Variants in B3GALT5 observed in about 807,000 individuals in gnomAD.
B3GALT5 encodes the protein UDP-Gal:betaGlcNAc beta 1,3-galactosyltransferase, polypeptide 5.
For missense variants in B3GALT5, 328 were observed against 396.6 expected (o/e 0.83, Z 1.47); for synonymous variants, 156 against 158.6 (o/e 0.98, Z 0.12).
intron 2 of B3GALT5, among the ~76,000 whole-genome samples, chr21:39,652,010 G>A (rs1569217786): frequency 6.6e-6 from 1 of 152,182 alleles, no homozygotes; most frequent in South Asian, 2.1e-4. Context: ...TTTGTTGTGG[G>A]GGGTGCTTGT....
chr21:39,660,010 G>T, intron 3 of B3GALT5, 98 bp downstream of exon 3: 1 of 677,778 alleles, frequency 1.5e-6, no homozygotes, highest in Non-Finnish European at 1.8e-6. Context: ...GAAAGAATCA[G>T]ATCAGAGACT....
At chr21:39,639,308 T>TTC (rs760708305) in intron 1 of B3GALT5, among the ~76,000 whole-genome samples, 4 of 89,692 alleles carry the variant, frequency 4.5e-5, no homozygotes, top group African/African-American at 1.8e-4. Flanking sequence ...CTTTCTTTCT[T>TTC]TCTTTCTTTC....
At chr21:39,655,567 C>G (rs1044848139) in intron 2 of B3GALT5, among the ~76,000 whole-genome samples, 4 of 152,148 alleles carry the variant, frequency 2.6e-5, no homozygotes, top group Non-Finnish European at 4.4e-5. Flanking sequence ...GGGAGATTCT[C>G]TCTGCTTGAG....
intron 2 of B3GALT5, among the ~76,000 whole-genome samples, chr21:39,649,710 C>T: frequency 6.6e-6 from 1 of 152,036 alleles, no homozygotes; most frequent in Non-Finnish European, 1.5e-5. Flanking sequence ...ACCAGGGTGA[C>T]CAGACATCAA....
intron 1 of B3GALT5, among the ~76,000 whole-genome samples, chr21:39,633,434 T>C (rs2079205284): frequency 6.6e-6 from 1 of 152,164 alleles, no homozygotes; most frequent in Non-Finnish European, 1.5e-5. Context: ...CTTTGACAAG[T>C]CCTGAACCAC....
In B3GALT5 at chr21:39,663,495, T is replaced by C. The variant is rs957267849; in HGVS notation, c.*2003T>C. 4.6e-5 allele frequency: 7 copies of C among 151,820 alleles called. No homozygotes were observed. The highest frequency in any genetic ancestry group is 4.6e-4 in the Admixed American group (7 of 15,224). The allele number at this position is 151,820 out of a possible 1,614,324, so 9.4% of individuals were successfully genotyped here. A position where few individuals can be genotyped will look rare whatever the true frequency, so the allele number is the denominator to read the frequency against. ...TCCCTCTTCTTTTCTTTTCTTTTTT[T>C]CTGACAGGGTCTCACCCTGTCACCC... is the stretch of plus-strand genomic sequence containing the variant. On this transcript the variant is annotated 3_prime_UTR_variant, in exon 4 of 4. Transcript: ENST00000684187.
intron 2 of B3GALT5, among the ~76,000 whole-genome samples, chr21:39,655,137 G>A (rs1430119015): frequency 6.6e-6 from 1 of 152,220 alleles, no homozygotes; most frequent in Non-Finnish European, 1.5e-5. Flanking sequence ...CCCAGTCTGT[G>A]TTTGAAGGCC....
chr21:39,638,956 A>G (rs1438635710), intron 1 of B3GALT5, among the ~76,000 whole-genome samples: 1 of 152,194 alleles, frequency 6.6e-6, no homozygotes, highest in Non-Finnish European at 1.5e-5. Flanking sequence ...CGATAGGTGG[A>G]TTGCATGCTG....
intron 1 of B3GALT5, among the ~76,000 whole-genome samples, chr21:39,614,730 G>A (rs985299148): frequency 7.9e-5 from 12 of 152,162 alleles, no homozygotes; most frequent in Non-Finnish European, 1.5e-4. Context: ...TCCAAGAAGA[G>A]TTTCAGGGTC....
intron 1 of B3GALT5, among the ~76,000 whole-genome samples, chr21:39,618,564 A>G (rs1265976474): frequency 6.6e-6 from 1 of 152,164 alleles, no homozygotes; most frequent in East Asian, 1.9e-4. Flanking sequence ...CTGTTTGTAT[A>G]TTATGTATCT....
At chr21:39,634,308 A>T (rs113732128) in intron 1 of B3GALT5, among the ~76,000 whole-genome samples, 1,895 of 152,144 alleles carry the variant, frequency 0.012, 44 homozygotes, top group African/African-American at 0.043. Flanking sequence ...ATAGGGTGGG[A>T]GGGAAATGGC....
In B3GALT5 at chr21:39,654,610, G is replaced by A. The variant is rs547346989; in HGVS notation, c.-160-5143G>A. ...TGTGGGTAAAATGCTATCAAATGGC[G>A]TCGCATGCTACAGAGAAATCTATCA... On this transcript the variant is annotated intron_variant, in intron 2 of 3. Coordinates refer to ENST00000684187, the MANE Select transcript of B3GALT5 (RefSeq NM_001356336.2). Among the ~76,000 whole-genome samples the A allele has an allele frequency of 2.6e-4, 39 of 152,258 alleles. 1 individual carries two copies. In the South Asian group the frequency reaches 5.6e-3, roughly 22 times the overall value.
intron 3 of B3GALT5, 110 bp downstream of exon 3, chr21:39,660,022 TA>T: frequency 3.2e-6 from 2 of 623,582 alleles, no homozygotes; most frequent in Non-Finnish European, 4.0e-6. Context: ...TCAGAGACTG[TA>T]AAAAGTAACT....
intron 1 of B3GALT5, among the ~76,000 whole-genome samples, chr21:39,621,098 C>G (rs891943743): frequency 6.6e-6 from 1 of 152,026 alleles, no homozygotes. Flanking sequence ...GACCCTTTCT[C>G]TGAGAAAAAA....
At chr21:39,622,315 A>G (rs1010276058) in intron 1 of B3GALT5, among the ~76,000 whole-genome samples, 1 of 152,012 alleles carries the variant, frequency 6.6e-6, no homozygotes, top group South Asian at 2.1e-4. Context: ...CATTATTACT[A>G]ATTTTTGTTC....
chr21:39,664,899 G>T lies in B3GALT5; in HGVS notation c.*3407G>T. 1 of 152,422 alleles carries T rather than the reference G, an allele frequency of 6.6e-6. No homozygotes were observed. The highest frequency in any genetic ancestry group is 1.5e-5 in the Non-Finnish European group (1 of 68,150). 9.4% of individuals were successfully genotyped at this position (152,422 alleles called of 1,614,324 possible). ...TTGCTCTGACAGTGTCGTGCTGGAG[G>T]ATCCTGGGCTCTGCGTGGGGCCCCC... On this transcript the variant is annotated 3_prime_UTR_variant, in exon 4 of 4. Transcript: ENST00000684187.
At chr21:39,620,360 T>A (rs1602253852) in intron 1 of B3GALT5, among the ~76,000 whole-genome samples, 1 of 152,362 alleles carries the variant, frequency 6.6e-6, no homozygotes, top group Non-Finnish European at 1.5e-5. Flanking sequence ...TATTTTCTTA[T>A]ATGCAGACTG....
intron 1 of B3GALT5, among the ~76,000 whole-genome samples, chr21:39,633,739 A>T (rs1054439548): frequency 1.3e-5 from 2 of 152,242 alleles, no homozygotes; most frequent in Non-Finnish European, 2.9e-5. Context: ...CATGGATTTA[A>T]GGTGACAGCT....
At position 39,661,066 on chromosome 21, in the gene B3GALT5, G is replaced by T; in HGVS notation, c.507G>T (p.Leu169=). 2.5e-6 allele frequency: 4 copies of T among 1,614,198 alleles called. No homozygotes were observed. Among genetic ancestry groups the T allele is most frequent in the Non-Finnish European group, 3.4e-6 (4 of 1,180,028 alleles). ...TCAATGTTGACTATCTGACTGAACTGCTTCTGAAGAAAAACAGAACAACCA... is the reference window on the plus strand; with the variant it reads ...TCAATGTTGACTATCTGACTGAACTTCTTCTGAAGAAAAACAGAACAACCA... ...MFINVDYLTE[L]LLKKNRTTRF... is the part of the protein sequence containing the mutation. Residue 169 remains leucine (L), a synonymous_variant, in exon 4 of 4, where the codon CTG becomes CTT. Coordinates refer to ENST00000684187, the MANE Select transcript of B3GALT5 (RefSeq NM_001356336.2). The surrounding 1 kb of genome is among the most constrained non-coding windows in gnomAD (Gnocchi z 4.7).
Sources: gnomAD v4.1 joint callset for allele counts (sites outside exome capture counted in the v4.1 genomes callset) on GRCh38, gnomAD v4.1.1 for gene constraint, Gnocchi (gnomAD v3.1) non-coding constraint, MANE v1.5 for transcripts, NCBI Gene and HGNC (gene_info 2026-07-23, HGNC 2026-07-21) for gene names.